The following MROH2A variants were observed in gnomAD, a reference collection of about 807,000 sequenced individuals.
MROH2A encodes maestro heat-like repeat-containing protein family member 2A.
Under a neutral mutation model 200.4 loss-of-function variants are expected in MROH2A, and 174 were observed. The ratio of observed to expected loss-of-function variants is 0.87; its 90% CI spans 0.77 to 0.98. The LOEUF (loss-of-function observed/expected upper bound fraction) is 0.98. Ranked by LOEUF, MROH2A falls within the 50% of genes least tolerant of loss-of-function variation. The probability of loss-of-function intolerance (pLI) is 0.00; values close to 1 mark genes in which losing one functional copy is unlikely to be tolerated. For synonymous variants in MROH2A, 829 were observed against 840.4 expected, an observed-to-expected ratio of 0.99 and a Z score of 0.23; for missense variants, 2,045 against 2,139.6, an observed-to-expected ratio of 0.96 and a Z score of 0.87.
chr2:233,826,716 A>G (rs552313287), intron 35 of MROH2A, among the ~76,000 whole-genome samples: 2 of 152,362 alleles, frequency 1.3e-5, no homozygotes, highest in East Asian at 3.9e-4. Flanking sequence ...GCAAAAATTG[A>G]CAATTGGGAT....
In MROH2A at chr2:233,833,140, C is replaced by T; in HGVS notation, c.4906C>T (p.Leu1636Phe). Residue 1636 changes from leucine to phenylalanine, a missense_variant and splice_region_variant, in exon 42 of 42, where the codon CTC becomes TTC. Coordinates refer to ENST00000389758, the MANE Select transcript of MROH2A (RefSeq NM_001394639.1). The part of the protein sequence containing the change: ...KLDFPALRNS[L>F]QELQLDPDPG... ...TCCCTCTTTGTGTTCTCTCTCAGCC[C>T]TCCAGGAACTACAGCTGGACCCGGA... The T allele has an allele frequency of 2.6e-6, 4 of 1,544,834 alleles. No individual in the cohort carries two copies. Among genetic ancestry groups the T allele is most frequent in the African/African-American group, 2.7e-5 (2 of 72,844 alleles).
At position 233,828,452 on chromosome 2, in the gene MROH2A, A is replaced by G; in HGVS notation, c.4114-178A>G. On this transcript the variant is annotated intron_variant, in intron 35 of 41. Transcript: ENST00000389758. The surrounding 1 kb of genome is among the most constrained non-coding windows in gnomAD (Gnocchi z 4.6). ...ATTTCCTTATTAAATCCCCACACAG[A>G]CCCTGAGGCAGGTACTAGCATCACC... 3.1e-6 allele frequency: 2 copies of G among 646,084 alleles called. No homozygotes were observed. Among genetic ancestry groups the G allele is most frequent in the Non-Finnish European group, 5.3e-6 (2 of 374,638 alleles). The allele number at this position is 646,084 out of a possible 1,614,324, so 40.0% of individuals were successfully genotyped here.
At chr2:233,814,721 T>C in intron 26 of MROH2A, 44 bp downstream of exon 26, 2 of 1,382,516 alleles carry the variant, frequency 1.4e-6, no homozygotes, top group Non-Finnish European at 2.0e-6. Context: ...TGGCCACTCC[T>C]CCCCAGAAGC....
chr2:233,800,362 T>C, intron 14 of MROH2A, 47 bp downstream of exon 14: 1 of 1,174,638 alleles, frequency 8.5e-7, no homozygotes, highest in Non-Finnish European at 1.2e-6. Context: ...CACGCCAGGC[T>C]GGGGGTGAAC....
chr2:233,803,577 G>C, intron 16 of MROH2A, 89 bp downstream of exon 16: 1 of 1,401,394 alleles, frequency 7.1e-7, no homozygotes, highest in East Asian at 2.5e-5. Flanking sequence ...CAGAGCCCCA[G>C]GGGTATGAGG....
At position 233,796,206 on chromosome 2, in the gene MROH2A, C is replaced by T. The variant is rs1394256581; in HGVS notation, c.1145C>T (p.Ser382Phe). 1 of 1,550,080 alleles carries T rather than the reference C, an allele frequency of 6.5e-7. No homozygotes were observed. The highest frequency in any genetic ancestry group is 2.0e-5 in the Admixed American group (1 of 50,978). ...CTGTCCTTCCACCCTGCAGCTCGCTCCTACCCCAAGGAGCTGATGAAGTTC... is the reference window on the plus strand; with the variant it reads ...CTGTCCTTCCACCCTGCAGCTCGCTTCTACCCCAAGGAGCTGATGAAGTTC... The part of the protein sequence containing the change: ...MVHCFVALAR[S>F]YPKELMKFFF... Residue 382 changes from serine to phenylalanine, a missense_variant, in exon 11 of 42, where the codon TCC becomes TTC. By Grantham distance (155) the Ser-to-Phe change is radical. Transcript: ENST00000389758.
chr2:233,821,316 C>T (rs745748961), intron 31 of MROH2A, among the ~76,000 whole-genome samples: 3 of 152,132 alleles, frequency 2.0e-5, no homozygotes, highest in African/African-American at 2.4e-5. Flanking sequence ...TGTTTCCTTG[C>T]GCCCCATGGC....
chr2:233,793,600 G>A (rs1037468993), intron 6 of MROH2A, 73 bp from the exon 7 acceptor site: 23 of 1,304,258 alleles, frequency 1.8e-5, no homozygotes, highest in Non-Finnish European at 2.2e-5. Flanking sequence ...CACTCGGGAA[G>A]CTGGGCTGGG....
intron 5 of MROH2A, among the ~76,000 whole-genome samples, chr2:233,791,750 G>T (rs1019348905): frequency 1.3e-4 from 20 of 152,144 alleles, no homozygotes; most frequent in African/African-American, 4.8e-4. Context: ...AGGCCCCCGT[G>T]ATGCCCATCC....
At chr2:233,829,412 AC>A (rs1232909527) in intron 37 of MROH2A, among the ~76,000 whole-genome samples, 1 of 152,080 alleles carries the variant, frequency 6.6e-6, no homozygotes. Context: ...ACAAGCCCTC[AC>A]CCAGGGAAGA....
rs1207001258 is a variant in MROH2A, at chr2:233,779,765, C to T, written c.189C>T (p.Thr63=). 3 of 1,550,758 alleles carry T rather than the reference C, an allele frequency of 1.9e-6. No homozygotes were observed. In the African/African-American group the frequency reaches 4.1e-5, roughly 21 times the overall value. ...GGGCAGGCCTTGACATGCGGAAGAC[C>T]CTGGCCTCGGTGATAATCATGGAGA... The part of the protein sequence containing the change: ...TTGAGLDMRK[T]LASVIIMEKA... The change falls in exon 3 of 42, where the codon ACC becomes ACT. Residue 63 remains threonine (T), a synonymous_variant. Coordinates refer to ENST00000389758, the MANE Select transcript of MROH2A (RefSeq NM_001394639.1).
At chr2:233,799,392 C>T (rs550278800) in intron 12 of MROH2A, among the ~76,000 whole-genome samples, 33 of 152,234 alleles carry the variant, frequency 2.2e-4, no homozygotes, top group African/African-American at 7.9e-4. Flanking sequence ...TGTCTTCAGT[C>T]CCTGGAGGCT....
intron 37 of MROH2A, 38 bp from the exon 38 acceptor site, chr2:233,829,582 G>T: frequency 7.4e-7 from 1 of 1,359,634 alleles, no homozygotes; most frequent in Non-Finnish European, 9.5e-7. Context: ...TGGGCTTCCT[G>T]CTGCCTGCAT....
chr2:233,829,188 G>C, intron 37 of MROH2A, 116 bp downstream of exon 37: 1 of 971,798 alleles, frequency 1.0e-6, no homozygotes. Context: ...CTGGGTGTCA[G>C]TTTAGCGACT....
At position 233,832,634 on chromosome 2, in the gene MROH2A, A is replaced by C; in HGVS notation, c.4893A>C (p.Ala1631=). ...ATCTGAAAAAGCTGGACTTCCCAGCATTACGGAATTGTGAGTAGTGGAGAG... is the reference window on the plus strand; with the variant it reads ...ATCTGAAAAAGCTGGACTTCCCAGCCTTACGGAATTGTGAGTAGTGGAGAG... ...THYLKKLDFP[A]LRNSLQELQL... Residue 1631 remains alanine (A), a synonymous_variant, in exon 41 of 42, where the codon GCA becomes GCC. Transcript: ENST00000389758. The C allele has an allele frequency of 1.3e-6, 2 of 1,548,658 alleles. No homozygotes were observed. The highest frequency in any genetic ancestry group is 1.7e-6 in the Non-Finnish European group (2 of 1,145,296).
intron 3 of MROH2A, among the ~76,000 whole-genome samples, chr2:233,786,740 T>A (rs1701227727): frequency 6.6e-6 from 1 of 152,102 alleles, no homozygotes; most frequent in African/African-American, 2.4e-5. Flanking sequence ...AAACCATGAT[T>A]AACACACAGG....
intron 9 of MROH2A, 109 bp from the exon 10 acceptor site, chr2:233,795,858 T>A: frequency 2.6e-6 from 4 of 1,539,978 alleles, no homozygotes; most frequent in Non-Finnish European, 3.5e-6. Flanking sequence ...TTTATCCTGA[T>A]GGGGTATGAG....
intron 40 of MROH2A, 68 bp from the exon 41 acceptor site, chr2:233,832,509 TAA>T (rs1457355043): frequency 2.4e-6 from 3 of 1,254,192 alleles, no homozygotes; most frequent in Non-Finnish European, 3.4e-6. Context: ...GTAAAGTAAG[TAA>T]ACCACAGGAC....
intron 7 of MROH2A, 24 bp from the exon 8 acceptor site, chr2:233,794,339 C>A: frequency 6.6e-7 from 1 of 1,526,146 alleles, no homozygotes; most frequent in South Asian, 1.2e-5. Context: ...GACAATGCGT[C>A]CCAGAGCTGG....
Sources: allele counts gnomAD v4.1 joint callset (sites outside exome capture counted in the v4.1 genomes callset), GRCh38; gene constraint gnomAD v4.1.1; non-coding constraint Gnocchi (gnomAD v3.1); transcripts MANE v1.5; gene names NCBI Gene and HGNC (gene_info 2026-07-23, HGNC 2026-07-21).